The following PCDHA3 variants were observed in gnomAD, a reference collection of about 807,000 sequenced individuals.
The protein encoded by PCDHA3 is protocadherin alpha-3.
PCDHA3 carries 41 observed loss-of-function variants against 62.2 expected under a neutral mutation model. The ratio of observed to expected loss-of-function variants is 0.66; its 90% CI spans 0.51 to 0.86. PCDHA3 has a LOEUF of 0.86. PCDHA3 is among the 40% of genes least tolerant of loss of function. The pLI, the probability that PCDHA3 is intolerant of heterozygous loss-of-function variation, is 0.00. For synonymous variants in PCDHA3, 640 were observed against 555.4 expected, an observed-to-expected ratio of 1.15 and a Z score of -2.14; for missense variants, 1,304 against 1,241.2, an observed-to-expected ratio of 1.05 and a Z score of -0.76.
chr5:140,868,974 C>T (rs2050775096), intron 1 of PCDHA3: 4 of 1,471,768 alleles, frequency 2.7e-6, no homozygotes, highest in South Asian at 1.4e-5. Flanking sequence ...GGAACTCCAT[C>T]ATACCGGATG....
At position 141,010,023 on chromosome 5, in the gene PCDHA3, C is replaced by T. The variant is rs1196328903; in HGVS notation, c.*86C>T. Reference sequence around the variant, plus strand: ...TGTAGCAATTCCCTGCTCCTTTTTCCTATCTACATGAGCCCTCTTAGAGAC... The same window carrying T: ...TGTAGCAATTCCCTGCTCCTTTTTCTTATCTACATGAGCCCTCTTAGAGAC... On this transcript the variant is annotated 3_prime_UTR_variant, in exon 4 of 4. Transcript: ENST00000522353. 10 of 1,571,304 alleles carry T rather than the reference C, an allele frequency of 6.4e-6. No homozygotes were observed. Among genetic ancestry groups the T allele is most frequent in the Non-Finnish European group, 8.6e-6 (10 of 1,163,016 alleles).
intron 1 of PCDHA3, among the ~76,000 whole-genome samples, chr5:140,885,554 A>G (rs1025656025): frequency 5.3e-5 from 8 of 152,140 alleles, no homozygotes; most frequent in African/African-American, 1.9e-4. Context: ...TGTTATTTCT[A>G]CGAAATTGAT....
intron 1 of PCDHA3, among the ~76,000 whole-genome samples, chr5:140,961,451 T>C (rs1307588711): frequency 1.3e-5 from 2 of 152,238 alleles, no homozygotes; most frequent in Non-Finnish European, 2.9e-5. Context: ...TACACTGTCT[T>C]GCAGCTGCCT....
At chr5:140,812,537 T>A (rs1765127658) in intron 1 of PCDHA3, 1 of 152,190 alleles carries the variant, frequency 6.6e-6, no homozygotes. Context: ...TGTCCTTTTT[T>A]TCTAGTTCCT....
chr5:140,857,481 C>A (rs1554150087), intron 1 of PCDHA3: 1 of 1,598,530 alleles, frequency 6.3e-7, no homozygotes, highest in East Asian at 2.2e-5. Flanking sequence ...ACGGTGTCTG[C>A]GTGGGACGCG....
intron 1 of PCDHA3, chr5:140,966,588 G>A: frequency 3.6e-6 from 2 of 558,362 alleles, no homozygotes; most frequent in Non-Finnish European, 5.7e-6. Flanking sequence ...GAGGACGGTG[G>A]GGCCAGGAGC....
chr5:140,809,706 G>C, intron 1 of PCDHA3: 1 of 1,097,712 alleles, frequency 9.1e-7, no homozygotes, highest in Non-Finnish European at 1.3e-6. Flanking sequence ...TTTAACTAAA[G>C]TCTTTTGGAA....
chr5:140,940,045 G>T (rs2092536047), intron 1 of PCDHA3, among the ~76,000 whole-genome samples: 1 of 152,038 alleles, frequency 6.6e-6, no homozygotes, highest in African/African-American at 2.4e-5. Flanking sequence ...TATTTTATTA[G>T]ATTCTTAACC....
chr5:140,828,611 T>A (rs2150157344), intron 1 of PCDHA3: 1 of 1,614,202 alleles, frequency 6.2e-7, no homozygotes, highest in Non-Finnish European at 8.5e-7. Flanking sequence ...TAAACTCAGT[T>A]CTAGCGAATA....
At chr5:140,852,188 C>A in intron 1 of PCDHA3, 1 of 732,160 alleles carries the variant, frequency 1.4e-6, no homozygotes, top group Non-Finnish European at 1.7e-6. Flanking sequence ...TATGAAAATG[C>A]CAGTAACGTT....
At chr5:140,820,196 T>C (rs1554127803) in intron 1 of PCDHA3, among the ~76,000 whole-genome samples, 26 of 152,084 alleles carry the variant, frequency 1.7e-4, no homozygotes. Flanking sequence ...GATTTGTGTT[T>C]CAACGATCCA....
intron 1 of PCDHA3, among the ~76,000 whole-genome samples, chr5:140,921,714 C>T (rs942328848): frequency 2.0e-5 from 3 of 152,046 alleles, no homozygotes; most frequent in South Asian, 2.1e-4. Context: ...AGTAAACACA[C>T]GAATTACTCC....
intron 1 of PCDHA3, chr5:140,857,847 CTG>C: frequency 6.3e-7 from 1 of 1,597,872 alleles, no homozygotes; most frequent in Non-Finnish European, 8.6e-7. Flanking sequence ...GACGCTGACT[CTG>C]GATACAACGC....
chr5:140,879,787 T>C (rs1409881516), intron 1 of PCDHA3, among the ~76,000 whole-genome samples: 2 of 152,204 alleles, frequency 1.3e-5, no homozygotes. Flanking sequence ...AATCTGGTTT[T>C]TGTTTCTTCC....
chr5:140,879,872 T>C (rs944464993), intron 1 of PCDHA3, among the ~76,000 whole-genome samples: 1 of 152,208 alleles, frequency 6.6e-6, no homozygotes, highest in African/African-American at 2.4e-5. Context: ...GCTTTCATGG[T>C]CACATTGCCT....
chr5:140,822,242 C>G, intron 1 of PCDHA3: 1 of 1,614,156 alleles, frequency 6.2e-7, no homozygotes, highest in Non-Finnish European at 8.5e-7. Context: ...CTAGAGGGCG[C>G]GTCGGATTTG....
intron 1 of PCDHA3, among the ~76,000 whole-genome samples, chr5:140,918,552 A>G (rs1554198667): frequency 6.6e-6 from 1 of 152,206 alleles, no homozygotes; most frequent in Admixed American, 6.5e-5. Context: ...TGTGCAATTG[A>G]GAAGAATGTA....
In PCDHA3 at chr5:140,871,640, A is replaced by T; in HGVS notation, c.2394+68049A>T. 6 of 1,294,228 alleles carry T rather than the reference A, an allele frequency of 4.6e-6. No homozygotes were observed. The South Asian group carries it at 9.7e-5, about 21-fold the overall frequency. 80.2% of individuals were successfully genotyped at this position (1,294,228 alleles called of 1,614,324 possible). A position where few individuals can be genotyped will look rare whatever the true frequency, so the allele number is the denominator to read the frequency against. On this transcript the variant is annotated intron_variant, in intron 1 of 3. Transcript: ENST00000522353. The stretch of plus-strand genomic sequence containing the variant: ...TTAGATAACAATGTCTGTTCATAAA[A>T]TACCAAATGATACACATCTTCAGTC...
intron 1 of PCDHA3, chr5:140,859,356 A>T (rs1159666697): frequency 4.0e-6 from 1 of 251,742 alleles, no homozygotes; most frequent in African/African-American, 2.3e-5. Context: ...TACTGATCTG[A>T]TATATTGTAT....
Sources: gnomAD v4.1 joint callset for allele counts (sites outside exome capture counted in the v4.1 genomes callset) on GRCh38, gnomAD v4.1.1 for gene constraint, MANE v1.5 for transcripts, NCBI Gene and HGNC (gene_info 2026-07-23, HGNC 2026-07-21) for gene names.